Variants in UPP2 observed in about 807,000 individuals in gnomAD.
The protein encoded by UPP2 is UPase 2.
In UPP2, 23 loss-of-function variants were observed where a neutral mutation model predicts 26.7. The observed-to-expected ratio is 0.86, with a 90% confidence interval of 0.62 to 1.22. UPP2 has a LOEUF of 1.22. Among genes scored for constraint, UPP2 ranks in the 50% most tolerant of loss-of-function variants. The pLI, the probability that UPP2 is intolerant of heterozygous loss-of-function variation, is 0.00. For synonymous variants in UPP2, 127 were observed against 141.3 expected, an observed-to-expected ratio of 0.90 and a Z score of 0.72; for missense variants, 387 against 396.7, an observed-to-expected ratio of 0.98 and a Z score of 0.21.
At chr2:158,028,304 C>T (rs1388506425) in intron 3 of UPP2, among the ~76,000 whole-genome samples, 2 of 152,142 alleles carry the variant, frequency 1.3e-5, no homozygotes, top group African/African-American at 2.4e-5. Flanking sequence ...CCACCAGATA[C>T]CCTAAATCAT....
intron 3 of UPP2, among the ~76,000 whole-genome samples, chr2:158,056,262 C>T (rs1682243075): frequency 6.6e-6 from 1 of 151,426 alleles, no homozygotes; most frequent in Admixed American, 6.6e-5. Flanking sequence ...GTGCAGAGCT[C>T]CCATCTACCC....
intron 3 of UPP2, among the ~76,000 whole-genome samples, chr2:158,059,972 G>A (rs950144859): frequency 6.6e-6 from 1 of 152,146 alleles, no homozygotes; most frequent in Non-Finnish European, 1.5e-5. Flanking sequence ...GTTGGTTAAA[G>A]AAGTCCATCA....
intron 3 of UPP2, among the ~76,000 whole-genome samples, chr2:158,086,649 C>G (rs891914713): frequency 5.9e-5 from 9 of 152,018 alleles, no homozygotes; most frequent in African/African-American, 2.2e-4. Context: ...TTCTTCTTAT[C>G]ACCACCTTTG....
chr2:158,105,427 G>A (rs144672840), intron 1 of UPP2, among the ~76,000 whole-genome samples: 2 of 152,232 alleles, frequency 1.3e-5, no homozygotes, highest in Admixed American at 6.5e-5. Context: ...CAATGGCAGC[G>A]CTATTCAAAG....
At chr2:158,099,426 G>A (rs557001928), upstream of UPP2, among the ~76,000 whole-genome samples, 105 of 152,144 alleles carry the variant, frequency 6.9e-4, 1 homozygote, top group Admixed American at 1.2e-3. Context: ...TCTGAGACCC[G>A]CCAAAGAAGG....
intron 2 of UPP2, among the ~76,000 whole-genome samples, chr2:158,002,762 G>T (rs1364750187): frequency 6.6e-6 from 1 of 152,244 alleles, no homozygotes; most frequent in African/African-American, 2.4e-5. Flanking sequence ...GAAAAAAATA[G>T]AACCATTTTA....
chr2:158,001,858 A>C (rs1335686933), intron 2 of UPP2, among the ~76,000 whole-genome samples: 1 of 150,056 alleles, frequency 6.7e-6, no homozygotes, highest in Non-Finnish European at 1.5e-5. Context: ...ACCTGGTAAC[A>C]GGAGGTTTTG....
At chr2:158,126,114 T>A (rs943594189) in intron 6 of UPP2, among the ~76,000 whole-genome samples, 7 of 152,208 alleles carry the variant, frequency 4.6e-5, no homozygotes, top group Non-Finnish European at 8.8e-5. Context: ...TCTTTCTTTC[T>A]CTGTTTAGGA....
At chr2:158,062,658 G>A (rs2105180000) in intron 3 of UPP2, among the ~76,000 whole-genome samples, 1 of 152,234 alleles carries the variant, frequency 6.6e-6, no homozygotes, top group Non-Finnish European at 1.5e-5. Context: ...TATCCCTTGG[G>A]TCCAGGAGGG....
chr2:158,036,471 C>G (rs1473159599), intron 3 of UPP2, among the ~76,000 whole-genome samples: 1 of 152,154 alleles, frequency 6.6e-6, no homozygotes, highest in Non-Finnish European at 1.5e-5. Flanking sequence ...GCATTCATCA[C>G]CAGGCCATTA....
In UPP2 at chr2:158,095,591, C is replaced by A. The variant is rs1682972857; in HGVS notation, c.148-6449C>A. Among the ~76,000 whole-genome samples, 3 of 152,292 alleles carry A rather than the reference C, an allele frequency of 2.0e-5. No homozygotes were observed. In the South Asian group the frequency reaches 6.2e-4, roughly 32 times the overall value. ...AGATCTGAACTCCAATCTCCATTTA[C>A]TCACTATAGGATCTCAGGCATTTGA... On this transcript the variant is annotated intron_variant, in intron 3 of 9. Transcript: ENST00000605860.
upstream of UPP2, among the ~76,000 whole-genome samples, chr2:158,101,376 A>G (rs1376926531): frequency 1.3e-5 from 2 of 152,224 alleles, no homozygotes; most frequent in Non-Finnish European, 2.9e-5. Context: ...CAGTTTAACT[A>G]AAGAAAGAGG....
intron 2 of UPP2, among the ~76,000 whole-genome samples, chr2:157,998,643 A>G (rs1183638044): frequency 2.0e-5 from 3 of 152,098 alleles, no homozygotes; most frequent in African/African-American, 7.2e-5. Flanking sequence ...CTCTACTAAA[A>G]ATACAAAAAT....
intron 4 of UPP2, among the ~76,000 whole-genome samples, chr2:158,120,277 T>A (rs1366914851): frequency 6.6e-6 from 1 of 152,074 alleles, no homozygotes; most frequent in Non-Finnish European, 1.5e-5. Context: ...ACTTCTCAAC[T>A]CTGCCTCTAG....
chr2:158,026,338 G>A (rs1683832511), intron 3 of UPP2, among the ~76,000 whole-genome samples: 1 of 152,096 alleles, frequency 6.6e-6, no homozygotes, highest in Admixed American at 6.5e-5. Flanking sequence ...GGACAGTGTG[G>A]GGCCCAAGTA....
intron 2 of UPP2, among the ~76,000 whole-genome samples, chr2:158,010,466 C>T (rs940183832): frequency 6.6e-6 from 1 of 152,202 alleles, no homozygotes; most frequent in Non-Finnish European, 1.5e-5. Context: ...ATAACAGCCC[C>T]ATCTTGTGGT....
chr2:158,114,086 T>C (rs762905431), intron 2 of UPP2, among the ~76,000 whole-genome samples: 7 of 152,236 alleles, frequency 4.6e-5, no homozygotes, highest in Non-Finnish European at 7.3e-5. Context: ...TGTGTGACAC[T>C]GAGCAAGTTT....
At chr2:158,088,834 G>A (rs949777363) in intron 3 of UPP2, among the ~76,000 whole-genome samples, 60 of 152,204 alleles carry the variant, frequency 3.9e-4, no homozygotes, top group Non-Finnish European at 7.2e-4. Context: ...GATGTGGACC[G>A]TCTTCAGGTC....
At chr2:158,052,034 A>G (rs966785646) in intron 3 of UPP2, among the ~76,000 whole-genome samples, 1 of 152,166 alleles carries the variant, frequency 6.6e-6, no homozygotes, top group Non-Finnish European at 1.5e-5. Flanking sequence ...TTCCAGCTAC[A>G]AAAATATTTA....
Sources: gnomAD v4.1 joint callset for allele counts (sites outside exome capture counted in the v4.1 genomes callset) on GRCh38, gnomAD v4.1.1 for gene constraint, MANE v1.5 for transcripts, NCBI Gene and HGNC (gene_info 2026-07-23, HGNC 2026-07-21) for gene names.